Variants in VAV2 observed in about 807,000 individuals in gnomAD.
VAV2 encodes vav guanine nucleotide exchange factor 2.
Under a neutral mutation model 132.5 loss-of-function variants are expected in VAV2, and 67 were observed. That is an observed-to-expected ratio of 0.51 (90% CI 0.42 to 0.62). The LOEUF (loss-of-function observed/expected upper bound fraction) is 0.62, where lower values mean the gene tolerates loss of function less well. VAV2 is among the 20% of genes least tolerant of loss of function. The pLI is 0.00. For synonymous variants in VAV2, 492 were observed against 443.5 expected (o/e 1.11, Z -1.37); for missense variants, 938 against 1,153.6 (o/e 0.81, Z 2.71).
At chr9:133,829,067 A>G (rs1676312943) in intron 4 of VAV2, among the ~76,000 whole-genome samples, 1 of 152,208 alleles carries the variant, frequency 6.6e-6, no homozygotes, top group South Asian at 2.1e-4. Flanking sequence ...TCTGGACCCC[A>G]GGCTGGGAGC....
intron 3 of VAV2, among the ~76,000 whole-genome samples, chr9:133,856,698 G>A (rs1837397526): frequency 6.6e-6 from 1 of 152,108 alleles, no homozygotes; most frequent in African/African-American, 2.4e-5. Context: ...AGGTATCGAG[G>A]GGCTGGTCCC....
chr9:133,860,786 C>T (rs1162470210), intron 3 of VAV2, among the ~76,000 whole-genome samples: 1 of 152,212 alleles, frequency 6.6e-6, no homozygotes, highest in Non-Finnish European at 1.5e-5. Context: ...GACCAGTTCT[C>T]ATCTGGGGCT....
chr9:133,781,869 C>T (rs1403511052), intron 19 of VAV2, among the ~76,000 whole-genome samples: 1 of 152,190 alleles, frequency 6.6e-6, no homozygotes, highest in East Asian at 1.9e-4. Flanking sequence ...ATGCAGACAG[C>T]AATGCTGGCT....
intron 10 of VAV2, among the ~76,000 whole-genome samples, 175 bp downstream of exon 10, chr9:133,797,535 A>G (rs1477900477): frequency 1.3e-5 from 2 of 152,124 alleles, no homozygotes; most frequent in Non-Finnish European, 2.9e-5. Flanking sequence ...CACCCAACCC[A>G]CTCCCCAACC....
chr9:133,971,493 T>A (rs1017058235), intron 1 of VAV2, among the ~76,000 whole-genome samples: 2 of 151,896 alleles, frequency 1.3e-5, no homozygotes, highest in African/African-American at 4.8e-5. Context: ...AGCCCACCCC[T>A]CCCAGGCCAC....
At chr9:133,776,191 G>C (rs2077065) in intron 23 of VAV2, 111 bp from the exon 24 acceptor site, 1,226,355 of 1,463,538 alleles carry the variant, frequency 0.84, 515,461 homozygotes, top group East Asian at 0.96. Flanking sequence ...CTGCCCTGGA[G>C]GGGACTGTCT....
rs762708444 is a variant in VAV2 at position 133,866,443 on chromosome 9, C to T, written c.322-5011G>A. Among the ~76,000 whole-genome samples the T allele has an allele frequency of 3.9e-4, 59 of 152,174 alleles. 1 individual carries two copies. Among genetic ancestry groups the T allele is most frequent in the Non-Finnish European group, 6.0e-4 (41 of 68,046 alleles). ...AAATCACCATGAGCCTGCAGCCCAT[C>T]GGTGGGAGTGAGGACACGCCTACTC... On this transcript the variant is annotated intron_variant, in intron 2 of 29. Coordinates refer to ENST00000371850, the MANE Select transcript of VAV2 (RefSeq NM_001134398.2).
In VAV2 at chr9:133,879,121, C is replaced by T. The variant is rs116873577; in HGVS notation, c.322-17689G>A. ...ACCGGGCCGGGCTTGTGCTGCTGAA[C>T]CTGGCTCTGGACCCCGTCTCAGCTG... On this transcript the variant is annotated intron_variant, in intron 2 of 29. Transcript: ENST00000371850. The surrounding 1 kb of genome is among the most constrained non-coding windows in gnomAD (Gnocchi z 4.4). 0.014 allele frequency among the ~76,000 whole-genome samples: 2,177 copies of T among 152,308 alleles called. 25 individuals carry two copies. Among genetic ancestry groups the T allele is most frequent in the Non-Finnish European group, 0.023 (1,595 of 68,018 alleles).
intron 29 of VAV2, among the ~76,000 whole-genome samples, chr9:133,766,331 T>G (rs1833430310): frequency 6.6e-6 from 1 of 152,234 alleles, no homozygotes; most frequent in South Asian, 2.1e-4. Flanking sequence ...AATGTATGTT[T>G]ATTGCAGCAC....
At chr9:133,945,577 G>A (rs779724290) in intron 1 of VAV2, among the ~76,000 whole-genome samples, 1 of 152,212 alleles carries the variant, frequency 6.6e-6, no homozygotes, top group Non-Finnish European at 1.5e-5. Flanking sequence ...GCAGGCCCAT[G>A]CCCGGGAAAG....
At chr9:133,915,498 G>A (rs10114092) in intron 2 of VAV2, among the ~76,000 whole-genome samples, 2,561 of 152,302 alleles carry the variant, frequency 0.017, 65 homozygotes, top group South Asian at 0.058. Flanking sequence ...ACTTTACAAA[G>A]CACCCTGAAA....
In VAV2 at chr9:133,947,263, T is replaced by C. The variant is rs147581672; in HGVS notation, c.205-8044A>G. Among the ~76,000 whole-genome samples the C allele has an allele frequency of 4.7e-3, 718 of 152,284 alleles. 7 individuals are homozygous for C. The highest frequency in any genetic ancestry group is 0.017 in the African/African-American group (690 of 41,552). On this transcript the variant is annotated intron_variant, in intron 1 of 29. Coordinates refer to ENST00000371850, the MANE Select transcript of VAV2 (RefSeq NM_001134398.2). Reference sequence around the variant, plus strand: ...TATTCCTGCACACATCAATGTCACCTGCACAACTCTACACACCACCCCACC... The same window carrying C: ...TATTCCTGCACACATCAATGTCACCCGCACAACTCTACACACCACCCCACC...
At chr9:133,923,271 AG>A (rs1840359501) in intron 2 of VAV2, among the ~76,000 whole-genome samples, 1 of 152,230 alleles carries the variant, frequency 6.6e-6, no homozygotes, top group Non-Finnish European at 1.5e-5. Context: ...TGGGGAGAAC[AG>A]TACGGAGTTT....
chr9:133,966,266 C>T (rs917327125), intron 1 of VAV2, among the ~76,000 whole-genome samples: 2 of 152,082 alleles, frequency 1.3e-5, no homozygotes, highest in Non-Finnish European at 2.9e-5. Flanking sequence ...CAGAACAAAA[C>T]GAAAAATAGA....
chr9:133,902,507 A>AC (rs1203936005), intron 2 of VAV2, among the ~76,000 whole-genome samples: 1 of 151,626 alleles, frequency 6.6e-6, no homozygotes, highest in East Asian at 1.9e-4. Context: ...TCACCCACAA[A>AC]CCCCCCAGGG....
rs966329362 is a variant in VAV2, at chr9:133,834,841, C to G, written c.381-501G>C. Among the ~76,000 whole-genome samples the G allele has an allele frequency of 2.6e-5, 4 of 152,098 alleles. No homozygotes were observed. The highest frequency in any genetic ancestry group is 5.9e-5 in the Non-Finnish European group (4 of 68,004). On this transcript the variant is annotated intron_variant, in intron 3 of 29. Transcript: ENST00000371850. This position sits in a 1 kb window ranked among gnomAD's most constrained non-coding sequence, Gnocchi z 5.9. ...GAGGCACTGAGGGTAGGGGCTCACC[C>G]ACGCCACCCACCAGCCACTGGCTTG... is the stretch of plus-strand genomic sequence containing the variant.
intron 25 of VAV2, among the ~76,000 whole-genome samples, chr9:133,772,965 C>T (rs1286196395): frequency 4.2e-5 from 4 of 95,906 alleles, no homozygotes; most frequent in East Asian, 2.1e-4. Context: ...GCCTACTGCA[C>T]GCCCCACAAC....
chr9:133,810,260 T>C (rs962038537), intron 5 of VAV2, 55 bp from the exon 6 acceptor site: 3 of 1,610,970 alleles, frequency 1.9e-6, no homozygotes, highest in Admixed American at 1.7e-5. Flanking sequence ...GCCCACACTG[T>C]CCTGGCAAGC....
At chr9:133,973,832 C>T (rs577032227) in intron 1 of VAV2, among the ~76,000 whole-genome samples, 2 of 152,174 alleles carry the variant, frequency 1.3e-5, no homozygotes, top group Non-Finnish European at 2.9e-5. Context: ...AAATGCAGGG[C>T]CCCCCCAGGC....
Sources: gnomAD v4.1 joint callset for allele counts (sites outside exome capture counted in the v4.1 genomes callset) on GRCh38, gnomAD v4.1.1 for gene constraint, Gnocchi (gnomAD v3.1) non-coding constraint, MANE v1.5 for transcripts, NCBI Gene and HGNC (gene_info 2026-07-23, HGNC 2026-07-21) for gene names.